Variants in CDK15 observed in about 807,000 individuals in gnomAD.
The protein encoded by CDK15 is cyclin-dependent kinase 15.
CDK15 carries 62 observed loss-of-function variants against 60.3 expected under a neutral mutation model. The observed-to-expected ratio is 1.03, with a 90% CI of 0.84 to 1.27. The LOEUF is 1.27. CDK15 is among the 50% of genes most tolerant of loss of function. CDK15 has a pLI of 0.00. For synonymous variants in CDK15, 194 were observed against 195.7 expected, an observed-to-expected ratio of 0.99 and a Z score of 0.07; for missense variants, 541 against 527.8, an observed-to-expected ratio of 1.03 and a Z score of -0.25.
rs371314578 is a variant in CDK15 at position 201,822,761 on chromosome 2, C to T, written c.449-48C>T. 14 of 1,056,958 alleles carry T rather than the reference C, an allele frequency of 1.3e-5. No homozygotes were observed. In the African/African-American group the frequency reaches 2.0e-4, roughly 15 times the overall value. The allele number at this position is 1,056,958 out of a possible 1,614,324, so 65.5% of individuals were successfully genotyped here. ...ATACCGTCTGATATCTTTAGAGCAG[C>T]ACTTTCATTATCAATGATGGATTTA... On this transcript the variant is annotated intron_variant, in intron 4 of 13. Transcript: ENST00000652192.
intron 11 of CDK15, among the ~76,000 whole-genome samples, chr2:201,874,752 T>G (rs921353273): frequency 6.6e-6 from 1 of 152,204 alleles, no homozygotes; most frequent in East Asian, 1.9e-4. Flanking sequence ...CACTCACTTT[T>G]TAGATTGATT....
chr2:201,880,967 G>C (rs1170160838), intron 12 of CDK15, among the ~76,000 whole-genome samples: 1 of 152,186 alleles, frequency 6.6e-6, no homozygotes, highest in East Asian at 1.9e-4. Context: ...AAAAACAGAA[G>C]AGAGAGAAGC....
At chr2:201,837,391 G>A (rs1263672923) in intron 8 of CDK15, among the ~76,000 whole-genome samples, 1 of 115,788 alleles carries the variant, frequency 8.6e-6, no homozygotes, top group Admixed American at 8.8e-5. Flanking sequence ...GGGAGAAGGG[G>A]AGAGGGGGGA....
At chr2:201,890,109 C>T (rs16838377) in intron 12 of CDK15, among the ~76,000 whole-genome samples, 19,045 of 151,360 alleles carry the variant, frequency 0.13, 2,404 homozygotes, top group African/African-American at 0.31. Context: ...TTGGAAACTT[C>T]CTAAAACATA....
intron 10 of CDK15, among the ~76,000 whole-genome samples, chr2:201,860,443 A>G (rs1698341986): frequency 6.6e-6 from 1 of 152,188 alleles, no homozygotes; most frequent in South Asian, 2.1e-4. Flanking sequence ...TAAAGAAGGG[A>G]ATAGGGTCCA....
intron 11 of CDK15, among the ~76,000 whole-genome samples, chr2:201,874,305 TTGGCAGCGTTAGCC>T (rs1698991763): frequency 6.6e-6 from 1 of 152,212 alleles, no homozygotes; most frequent in South Asian, 2.1e-4. Flanking sequence ...GAAAATTCCA[TTGGCAGCGTTAGCC>T]TGGATTATCA....
At chr2:201,836,145 A>ATATATTTATATATAT (rs1697064450) in intron 8 of CDK15, among the ~76,000 whole-genome samples, 4 of 63,160 alleles carry the variant, frequency 6.3e-5, no homozygotes, top group Non-Finnish European at 3.0e-5. Context: ...TTTATATATT[A>ATATATTTATATATAT]TATATATTTT....
intron 6 of CDK15, among the ~76,000 whole-genome samples, chr2:201,830,028 G>A (rs893746627): frequency 6.6e-6 from 1 of 152,054 alleles, no homozygotes; most frequent in Admixed American, 6.6e-5. Context: ...GGCTGGTCTT[G>A]AACTTCTGAC....
chr2:201,819,147 G>A (rs1696114998), intron 4 of CDK15, among the ~76,000 whole-genome samples: 1 of 152,048 alleles, frequency 6.6e-6, no homozygotes, highest in Non-Finnish European at 1.5e-5. Flanking sequence ...GGGATGGGGT[G>A]GAGGGCTGCT....
chr2:201,818,688 G>A (rs1696091270), intron 4 of CDK15, among the ~76,000 whole-genome samples: 1 of 152,008 alleles, frequency 6.6e-6, no homozygotes, highest in African/African-American at 2.4e-5. Context: ...TTCATTATTC[G>A]GCAACATTCA....
chr2:201,895,141 C>G lies in CDK15; in HGVS notation c.*1874C>G, dbSNP rs1337611278. ...CACAACAGTAGTGGGATTCCTCTGC[C>G]TCTCTGAAGATATGAGAGCTATAGG... On this transcript the variant is annotated 3_prime_UTR_variant, in exon 14 of 14. Transcript: ENST00000652192. The G allele has an allele frequency of 1.3e-5, 2 of 152,158 alleles. No individual in the cohort carries two copies. The highest frequency in any genetic ancestry group is 4.8e-5 in the African/African-American group (2 of 41,446). 9.4% of individuals were successfully genotyped at this position (152,158 alleles called of 1,614,324 possible).
At chr2:201,835,811 G>T (rs1339342321) in intron 8 of CDK15, 48 bp downstream of exon 8, 7 of 1,389,254 alleles carry the variant, frequency 5.0e-6, no homozygotes, top group Non-Finnish European at 6.7e-6. Flanking sequence ...CACGAGGGTT[G>T]CTTTATCATC....
intron 10 of CDK15, among the ~76,000 whole-genome samples, chr2:201,859,941 C>T (rs1049171347): frequency 2.6e-5 from 4 of 152,138 alleles, no homozygotes; most frequent in Non-Finnish European, 5.9e-5. Context: ...AAACGGAGGC[C>T]TTACTCCTCT....
At chr2:201,825,470 A>G (rs1223517381) in intron 6 of CDK15, among the ~76,000 whole-genome samples, 2 of 150,896 alleles carry the variant, frequency 1.3e-5, no homozygotes, top group Non-Finnish European at 2.9e-5. Flanking sequence ...GGTTTTGGAA[A>G]GGAATGTTTG....
In CDK15 at chr2:201,890,815, G is replaced by A. The variant is rs113623048; in HGVS notation, c.1229G>A (p.Arg410Lys). 1.0e-3 allele frequency: 1,681 copies of A among 1,613,372 alleles called. 1 individual carries two copies. The highest frequency in any genetic ancestry group is 1.3e-3 in the Non-Finnish European group (1,552 of 1,179,688). Reference protein sequence around the residue: ...EESLFTVSGVRLKPEMCDLLA... With the variant: ...EESLFTVSGVKLKPEMCDLLA... ...TCTTTGTTTACAGTTTCAGGAGTGA[G>A]GCTAAAGCCAGAAATGTGTGACCTT... The change falls in exon 13 of 14, where the codon AGG (arginine) becomes AAG (lysine). Residue 410 changes from arginine to lysine, a missense_variant. Transcript: ENST00000652192.
chr2:201,813,685 C>T (rs142549186), intron 4 of CDK15, among the ~76,000 whole-genome samples: 1 of 152,286 alleles, frequency 6.6e-6, no homozygotes, highest in East Asian at 1.9e-4. Context: ...CTGATGGAGT[C>T]ACTAGATTTT....
At chr2:201,842,364 C>CA (rs1424774582) in intron 8 of CDK15, among the ~76,000 whole-genome samples, 1 of 152,176 alleles carries the variant, frequency 6.6e-6, no homozygotes, top group Non-Finnish European at 1.5e-5. Context: ...TATTCAGTAT[C>CA]AGTTTCAGGC....
chr2:201,850,148 T>G (rs2105779915), intron 9 of CDK15, among the ~76,000 whole-genome samples: 2 of 152,272 alleles, frequency 1.3e-5, no homozygotes, highest in Admixed American at 1.3e-4. Context: ...TAAAATACAA[T>G]ATACAGTTAG....
At position 201,894,667 on chromosome 2, in the gene CDK15, CA is replaced by C. The variant is rs1276008548; in HGVS notation, c.*1404del. 6.6e-6 allele frequency: 1 copy of C among 152,164 alleles called. No homozygotes were observed. Among genetic ancestry groups the C allele is most frequent in the Admixed American group, 6.5e-5 (1 of 15,276 alleles). The allele number at this position is 152,164 out of a possible 1,614,324, so 9.4% of individuals were successfully genotyped here. ...TTATTAATTTATGACTTCCATTTCA[CA>C]AAAGAGGAGACTGAGGCTCAGTGAA... On this transcript the variant is annotated 3_prime_UTR_variant, in exon 14 of 14. Coordinates refer to ENST00000652192, the MANE Select transcript of CDK15 (RefSeq NM_001366386.2).
Sources: gnomAD v4.1 joint callset for allele counts (sites outside exome capture counted in the v4.1 genomes callset) on GRCh38, gnomAD v4.1.1 for gene constraint, MANE v1.5 for transcripts, NCBI Gene and HGNC (gene_info 2026-07-23, HGNC 2026-07-21) for gene names.